The following ZNF804B variants were observed in gnomAD, a reference collection of about 807,000 sequenced individuals.
The protein encoded by ZNF804B is zinc finger protein 804B, also known as zinc finger 804B.
A neutral mutation model predicts 101.4 loss-of-function variants in ZNF804B; 80 were observed. The ratio of observed to expected loss-of-function variants is 0.79; its 90% CI spans 0.66 to 0.95. The LOEUF (loss-of-function observed/expected upper bound fraction) is 0.95, where lower values mean the gene tolerates loss of function less well. Ranked by LOEUF, ZNF804B falls within the 40% of genes least tolerant of loss-of-function variation. The probability of loss-of-function intolerance (pLI) is 0.00; values close to 1 mark genes in which losing one functional copy is unlikely to be tolerated. For synonymous variants in ZNF804B, 622 were observed against 558.8 expected (o/e 1.11, Z -1.59); for missense variants, 1,673 against 1,561.9 (o/e 1.07, Z -1.20).
intron 1 of ZNF804B, among the ~76,000 whole-genome samples, chr7:88,861,642 A>G (rs1206114562): frequency 6.6e-6 from 1 of 152,170 alleles, no homozygotes; most frequent in Non-Finnish European, 1.5e-5. Flanking sequence ...TGTCTCCAGT[A>G]CAGTGTCACT....
intron 1 of ZNF804B, among the ~76,000 whole-genome samples, chr7:88,871,137 T>A (rs1791817606): frequency 6.6e-6 from 1 of 152,202 alleles, no homozygotes; most frequent in African/African-American, 2.4e-5. Flanking sequence ...GATTGATATG[T>A]TGAATTGTCT....
intron 1 of ZNF804B, among the ~76,000 whole-genome samples, chr7:89,028,137 A>G (rs1254822812): frequency 1.3e-5 from 2 of 152,150 alleles, no homozygotes; most frequent in Non-Finnish European, 2.9e-5. Context: ...GTTTGTTATG[A>G]TAGTGATATA....
intron 1 of ZNF804B, among the ~76,000 whole-genome samples, chr7:88,849,386 A>G (rs1464235292): frequency 6.6e-6 from 1 of 151,984 alleles, no homozygotes; most frequent in East Asian, 1.9e-4. Context: ...AGATTAAGAA[A>G]AATGAAAAGA....
intron 1 of ZNF804B, among the ~76,000 whole-genome samples, chr7:89,174,823 A>G (rs1348385190): frequency 6.6e-6 from 1 of 151,960 alleles, no homozygotes; most frequent in Non-Finnish European, 1.5e-5. Flanking sequence ...TTTAGTTTTG[A>G]TTTGCATTCC....
In ZNF804B at chr7:89,336,657, T is replaced by G. The variant is rs1321224191; in HGVS notation, c.3675T>G (p.Ser1225=). The stretch of plus-strand genomic sequence containing the variant: ...TTGCTGTTTCTGCTTCCTTAAGTTC[T>G]CATAGCAGTCACCTCCCTATTGCTC... The part of the protein sequence containing the change: ...QHFAVSASLS[S]HSSHLPIAHL... Residue 1225 remains serine (S), a synonymous_variant, in exon 4 of 4, where the codon TCT becomes TCG. Coordinates refer to ENST00000333190, the MANE Select transcript of ZNF804B (RefSeq NM_181646.5). 1 of 1,614,120 alleles carries G rather than the reference T, an allele frequency of 6.2e-7. No individual in the cohort carries two copies. The highest frequency in any genetic ancestry group is 2.2e-5 in the East Asian group (1 of 44,860).
chr7:88,941,618 A>T (rs1408249570), intron 1 of ZNF804B, among the ~76,000 whole-genome samples: 1 of 151,982 alleles, frequency 6.6e-6, no homozygotes, highest in Non-Finnish European at 1.5e-5. Flanking sequence ...GGAGAAAGAG[A>T]TGAACAGACA....
intron 1 of ZNF804B, among the ~76,000 whole-genome samples, chr7:89,128,225 G>A (rs1790501280): frequency 6.6e-6 from 1 of 151,724 alleles, no homozygotes. Context: ...TTGGGTTAAA[G>A]TCCTAGACAT....
intron 1 of ZNF804B, among the ~76,000 whole-genome samples, chr7:88,862,664 AAG>A (rs1791667223): frequency 6.6e-6 from 1 of 152,190 alleles, no homozygotes. Flanking sequence ...TGACTAAGAC[AAG>A]AGAGTAATTT....
chr7:89,263,683 A>G (rs1330935958), intron 2 of ZNF804B, among the ~76,000 whole-genome samples: 1 of 151,982 alleles, frequency 6.6e-6, no homozygotes, highest in African/African-American at 2.4e-5. Context: ...CCCTAAAGTT[A>G]GTGATAAATG....
At chr7:89,200,740 G>T (rs1299932920) in intron 1 of ZNF804B, among the ~76,000 whole-genome samples, 2 of 151,840 alleles carry the variant, frequency 1.3e-5, no homozygotes, top group African/African-American at 4.8e-5. Flanking sequence ...TCTGTCCACC[G>T]CCAACATATG....
At chr7:89,156,315 A>T (rs921222096) in intron 1 of ZNF804B, among the ~76,000 whole-genome samples, 3 of 151,924 alleles carry the variant, frequency 2.0e-5, no homozygotes, top group Non-Finnish European at 4.4e-5. Context: ...GGGTTTCTCC[A>T]TGTTGGTCTG....
chr7:88,802,194 C>T (rs1181939146), intron 1 of ZNF804B, among the ~76,000 whole-genome samples: 2 of 152,084 alleles, frequency 1.3e-5, no homozygotes, highest in Non-Finnish European at 2.9e-5. Context: ...CTCAATCATG[C>T]GAAACTGTGA....
At chr7:89,243,548 G>A (rs1789399960) in intron 2 of ZNF804B, among the ~76,000 whole-genome samples, 1 of 151,794 alleles carries the variant, frequency 6.6e-6, no homozygotes, top group Non-Finnish European at 1.5e-5. Context: ...AAATTCATAT[G>A]TGACTGGGCC....
rs1793487675 is a variant in ZNF804B at position 88,968,428 on chromosome 7, A to G, written c.108+208344A>G. ...TTTTCCTTCCTATGAATGCTTTCCA[A>G]ATAGCATTCTCAACACTTTGCTCTC... On this transcript the variant is annotated intron_variant, in intron 1 of 3. Coordinates refer to ENST00000333190, the MANE Select transcript of ZNF804B (RefSeq NM_181646.5). Among the ~76,000 whole-genome samples the G allele has an allele frequency of 2.0e-5, 3 of 151,506 alleles. No individual in the cohort carries two copies. The South Asian group carries it at 6.2e-4, about 31-fold the overall frequency.
chr7:89,095,130 T>G (rs1349148178), intron 1 of ZNF804B, among the ~76,000 whole-genome samples: 1 of 151,902 alleles, frequency 6.6e-6, no homozygotes, highest in African/African-American at 2.4e-5. Context: ...TTTTGGGAGG[T>G]GATAGAAGCA....
At chr7:88,949,868 CTAGGAGCGG>C (rs1793191354) in intron 1 of ZNF804B, among the ~76,000 whole-genome samples, 1 of 151,800 alleles carries the variant, frequency 6.6e-6, no homozygotes, top group Non-Finnish European at 1.5e-5. Flanking sequence ...GGTTTGTAGC[CTAGGAGCGG>C]TAGGCTATAT....
Position 89,288,809 on chromosome 7 carries a change from C to T in ZNF804B, c.250-38535C>T, listed in dbSNP as rs997566111. On this transcript the variant is annotated intron_variant, in intron 2 of 3. Transcript: ENST00000333190. The stretch of plus-strand genomic sequence containing the variant: ...AGATGCATGAACATGTAGAAAAAAG[C>T]GAAGAACATCAGAAAGGGTAAATAT... Among the ~76,000 whole-genome samples, 11 of 151,746 alleles carry T rather than the reference C, an allele frequency of 7.2e-5. No individual in the cohort carries two copies. The South Asian group carries it at 1.7e-3, about 23-fold the overall frequency.
intron 1 of ZNF804B, among the ~76,000 whole-genome samples, chr7:88,805,639 A>G (rs1290411098): frequency 1.3e-5 from 2 of 152,198 alleles, no homozygotes; most frequent in Admixed American, 6.5e-5. Context: ...GTGAAAATAT[A>G]AAAGGGTGAT....
intron 1 of ZNF804B, among the ~76,000 whole-genome samples, chr7:88,902,334 A>G (rs1792404778): frequency 6.6e-6 from 1 of 152,000 alleles, no homozygotes; most frequent in Non-Finnish European, 1.5e-5. Context: ...GACTTCCCAA[A>G]GCATTCAAAT....
Sources: gnomAD v4.1 joint callset for allele counts (sites outside exome capture counted in the v4.1 genomes callset) on GRCh38, gnomAD v4.1.1 for gene constraint, MANE v1.5 for transcripts, NCBI Gene and HGNC (gene_info 2026-07-23, HGNC 2026-07-21) for gene names.